The following GALNT3 variants were observed in gnomAD, a reference collection of about 807,000 sequenced individuals.
The protein encoded by GALNT3 is polypeptide N-acetylgalactosaminyltransferase 3.
GALNT3 carries 51 observed loss-of-function variants against 69.8 expected under a neutral mutation model. The observed-to-expected ratio is 0.73, with a 90% CI of 0.58 to 0.92. The LOEUF (loss-of-function observed/expected upper bound fraction) is 0.92. Ranked by LOEUF, GALNT3 falls within the 40% of genes least tolerant of loss-of-function variation. GALNT3 has a pLI of 0.00. For missense variants in GALNT3, 711 were observed against 760.0 expected (o/e 0.94, Z 0.76); for synonymous variants, 265 against 248.5 (o/e 1.07, Z -0.63).
At position 165,770,015 on chromosome 2, in the gene GALNT3, A is replaced by T. The variant is rs1197348845; in HGVS notation, c.515+171T>A. 4 of 750,226 alleles carry T rather than the reference A, an allele frequency of 5.3e-6. No individual in the cohort carries two copies. The African/African-American group carries it at 6.9e-5, about 13-fold the overall frequency. The allele number at this position is 750,226 out of a possible 1,614,324, so 46.5% of individuals were successfully genotyped here. ...TGCCTCACCAAGCATAAATAGGGAT[A>T]TGTAGCCTCAATCATTATAAGCAAA... On this transcript the variant is annotated intron_variant, in intron 2 of 10. Coordinates refer to ENST00000392701, the MANE Select transcript of GALNT3 (RefSeq NM_004482.4).
intron 1 of GALNT3, among the ~76,000 whole-genome samples, chr2:165,777,269 G>A (rs1242448253): frequency 4.0e-5 from 6 of 151,886 alleles, no homozygotes; most frequent in Non-Finnish European, 7.4e-5. Context: ...AGAGTTAGGG[G>A]TAACCACACT....
chr2:165,752,176 C>A (rs1285182264), intron 9 of GALNT3, among the ~76,000 whole-genome samples: 2 of 152,128 alleles, frequency 1.3e-5, no homozygotes, highest in African/African-American at 4.8e-5. Context: ...CACTGGCTAT[C>A]TGCTTTCTCC....
chr2:165,761,137 A>G (rs528448952), intron 4 of GALNT3, among the ~76,000 whole-genome samples: 1 of 151,946 alleles, frequency 6.6e-6, no homozygotes, highest in African/African-American at 2.4e-5. Flanking sequence ...ACACACACAC[A>G]AACTAAAATA....
rs4482499 is a variant in GALNT3, at chr2:165,767,786, C to G, written c.515+2400G>C. ...TTTGGGAGAAACTAGGTCTATATTT[C>G]TAATGAGCATGGAAAACATTAGCAG... On this transcript the variant is annotated intron_variant, in intron 2 of 10. Transcript: ENST00000392701. Among the ~76,000 whole-genome samples the G allele has an allele frequency of 7.4e-3, 1,124 of 151,108 alleles. 15 individuals carry two copies. The highest frequency in any genetic ancestry group is 0.026 in the African/African-American group (1,065 of 41,122).
At chr2:165,757,768 A>T (rs1385135163) in intron 6 of GALNT3, among the ~76,000 whole-genome samples, 1 of 152,206 alleles carries the variant, frequency 6.6e-6, no homozygotes, top group East Asian at 1.9e-4. Context: ...AAAGTAGAGG[A>T]TGATTATTTA....
intron 9 of GALNT3, among the ~76,000 whole-genome samples, chr2:165,750,427 C>T (rs1180100714): frequency 6.6e-6 from 1 of 152,158 alleles, no homozygotes; most frequent in Middle Eastern, 3.2e-3. Context: ...AGTTTTCATA[C>T]ATTTTAGCTA....
chr2:165,788,057 G>A (rs1683260042), intron 1 of GALNT3, among the ~76,000 whole-genome samples: 1 of 151,982 alleles, frequency 6.6e-6, no homozygotes, highest in African/African-American at 2.4e-5. Flanking sequence ...GGCCAGGCGC[G>A]GTGGCTCACA....
intron 1 of GALNT3, chr2:165,771,432 T>C (rs1359995552): frequency 1.3e-5 from 2 of 152,206 alleles, no homozygotes; most frequent in African/African-American, 4.8e-5. Flanking sequence ...ATATAACAGC[T>C]AGTTTTAATA....
chr2:165,781,509 A>G lies in GALNT3; in HGVS notation c.-108-10701T>C, dbSNP rs185520573. On this transcript the variant is annotated intron_variant, in intron 1 of 10. Coordinates refer to ENST00000392701, the MANE Select transcript of GALNT3 (RefSeq NM_004482.4). ...TTACTCAAGAGGCTGAGGTAAGAACATTGCTTGAGCCCAGGAGGCAGAGGT... is the reference window on the plus strand; with the variant it reads ...TTACTCAAGAGGCTGAGGTAAGAACGTTGCTTGAGCCCAGGAGGCAGAGGT... 2.4e-3 allele frequency among the ~76,000 whole-genome samples: 372 copies of G among 151,866 alleles called. 5 individuals carry two copies. Among genetic ancestry groups the G allele is most frequent in the South Asian group, 0.016 (77 of 4,802 alleles).
chr2:165,785,699 TAGTATCTA>T (rs1348809791), intron 1 of GALNT3, among the ~76,000 whole-genome samples: 3 of 152,150 alleles, frequency 2.0e-5, no homozygotes, highest in Non-Finnish European at 4.4e-5. Context: ...ACAAAAGTCA[TAGTATCTA>T]AGGAACAGAG....
chr2:165,748,251 G>A lies in GALNT3; in HGVS notation c.*530C>T, dbSNP rs1188729847. ...TTCATGTTTAAGGAAACATTTGACA[G>A]ACAAGTAAACCAAACGCAAAAAAAA... is the stretch of plus-strand genomic sequence containing the variant. On this transcript the variant is annotated 3_prime_UTR_variant, in exon 11 of 11. Coordinates refer to ENST00000392701, the MANE Select transcript of GALNT3 (RefSeq NM_004482.4). The A allele has an allele frequency of 2.4e-5, 5 of 206,484 alleles. No individual in the cohort carries two copies. The highest frequency in any genetic ancestry group is 1.1e-4 in the African/African-American group (5 of 43,850). The allele number at this position is 206,484 out of a possible 1,614,324, so 12.8% of individuals were successfully genotyped here. A position where few individuals can be genotyped will look rare whatever the true frequency, so the allele number is the denominator to read the frequency against.
intron 9 of GALNT3, among the ~76,000 whole-genome samples, chr2:165,752,669 C>T (rs922353911): frequency 1.3e-5 from 2 of 152,076 alleles, no homozygotes; most frequent in African/African-American, 2.4e-5. Flanking sequence ...AATATATCTT[C>T]AGCTTTTAAG....
chr2:165,765,119 A>G, intron 2 of GALNT3, 63 bp from the exon 3 acceptor site: 1 of 1,286,264 alleles, frequency 7.8e-7, no homozygotes, highest in Non-Finnish European at 1.1e-6. Context: ...TCACAGCTAT[A>G]CCATTGCTAA....
chr2:165,762,614 T>G (rs1281791793), intron 3 of GALNT3, among the ~76,000 whole-genome samples: 1 of 152,228 alleles, frequency 6.6e-6, no homozygotes, highest in Non-Finnish European at 1.5e-5. Context: ...CAGAAAAATT[T>G]GCGAAAGCTT....
At chr2:165,751,874 A>G (rs1688363136) in intron 9 of GALNT3, among the ~76,000 whole-genome samples, 1 of 152,220 alleles carries the variant, frequency 6.6e-6, no homozygotes. Context: ...TCAGGGAACT[A>G]AAATTTGCAA....
chr2:165,779,143 G>T (rs954696864), intron 1 of GALNT3, among the ~76,000 whole-genome samples: 1 of 152,210 alleles, frequency 6.6e-6, no homozygotes, highest in African/African-American at 2.4e-5. Context: ...GGAGTGAGCA[G>T]TGGAGGAAAA....
chr2:165,750,483 G>GTAATTCT (rs1688339101), intron 9 of GALNT3, among the ~76,000 whole-genome samples: 1 of 151,812 alleles, frequency 6.6e-6, no homozygotes, highest in South Asian at 2.1e-4. Flanking sequence ...CAAGTAATTC[G>GTAATTCT]TCCCTTAGCT....
At chr2:165,750,785 A>T (rs1390379378) in intron 9 of GALNT3, among the ~76,000 whole-genome samples, 1 of 152,148 alleles carries the variant, frequency 6.6e-6, no homozygotes, top group Non-Finnish European at 1.5e-5. Flanking sequence ...CCAGTTATAT[A>T]TTATGCTTCT....
chr2:165,793,190 C>T (rs1247174254), intron 1 of GALNT3, among the ~76,000 whole-genome samples: 1 of 152,270 alleles, frequency 6.6e-6, no homozygotes, highest in East Asian at 1.9e-4. Context: ...CAAGCTTAGA[C>T]GTGGCAGGAT....
Sources: allele counts gnomAD v4.1 joint callset (sites outside exome capture counted in the v4.1 genomes callset), GRCh38; gene constraint gnomAD v4.1.1; transcripts MANE v1.5; gene names NCBI Gene and HGNC (gene_info 2026-07-23, HGNC 2026-07-21).